TMEM144: variants seen among roughly 807,000 people sequenced by gnomAD.
TMEM144 encodes the protein transmembrane protein 144.
TMEM144 carries 39 observed loss-of-function variants against 43.6 expected under a neutral mutation model. The ratio of observed to expected loss-of-function variants is 0.90; its 90% CI spans 0.69 to 1.17. The LOEUF is 1.17. TMEM144 is among the 50% of genes most tolerant of loss of function. TMEM144 has a pLI of 0.00. For missense variants in TMEM144, 417 were observed against 411.9 expected, an observed-to-expected ratio of 1.01 and a Z score of -0.11; for synonymous variants, 154 against 133.6, an observed-to-expected ratio of 1.15 and a Z score of -1.06.
chr4:158,250,194 AC>A (rs1736126185), intron 12 of TMEM144, among the ~76,000 whole-genome samples: 1 of 88,882 alleles, frequency 1.1e-5, no homozygotes, highest in Non-Finnish European at 2.3e-5. Flanking sequence ...TTAATACATA[AC>A]ATATATATAT....
chr4:158,247,693 G>A (rs1735960197), intron 12 of TMEM144, among the ~76,000 whole-genome samples: 1 of 151,974 alleles, frequency 6.6e-6, no homozygotes, highest in Non-Finnish European at 1.5e-5. Flanking sequence ...AATGTGCCAG[G>A]TTTTTAAAAT....
rs1560839720 is a variant in TMEM144, at chr4:158,244,363, A to G, written c.954+14A>G. 1 of 1,605,454 alleles carries G rather than the reference A, an allele frequency of 6.2e-7. No individual in the cohort carries two copies. The highest frequency in any genetic ancestry group is 2.2e-5 in the East Asian group (1 of 44,448). ...AAGGAAATAAAGGTATGTACAAGAAAGGGCAGACTTAGAAAATGGGAATGG... is the reference window on the plus strand; with the variant it reads ...AAGGAAATAAAGGTATGTACAAGAAGGGGCAGACTTAGAAAATGGGAATGG... On this transcript the variant is annotated intron_variant, in intron 12 of 12. Transcript: ENST00000296529.
intron 6 of TMEM144, among the ~76,000 whole-genome samples, chr4:158,227,125 G>GC (rs1348468752): frequency 9.8e-5 from 13 of 133,050 alleles, no homozygotes; most frequent in African/African-American, 4.1e-4. Flanking sequence ...GGTATAGATG[G>GC]CTTTTTTTTT....
At chr4:158,220,552 T>C (rs1190631689) in intron 6 of TMEM144, among the ~76,000 whole-genome samples, 1 of 152,250 alleles carries the variant, frequency 6.6e-6, no homozygotes, top group African/African-American at 2.4e-5. Context: ...TATGTGGCCA[T>C]GGGCAAATAA....
chr4:158,232,936 C>A lies in TMEM144; in HGVS notation c.449C>A (p.Pro150Gln). Reference sequence around the variant, plus strand: ...TTTTTGTTCATCAAAAGTGAAATACCAAATAACACGTGTTCCATGGATACC... The same window carrying A: ...TTTTTGTTCATCAAAAGTGAAATACAAAATAACACGTGTTCCATGGATACC... ...FIFLFIKSEIPNNTCSMDTTP... is the reference protein window; with the variant it reads ...FIFLFIKSEIQNNTCSMDTTP... Residue 150 changes from proline to glutamine, a missense_variant, in exon 7 of 13, where the codon CCA becomes CAA. By Grantham distance (76) the Pro-to-Gln change is moderately conservative. Transcript: ENST00000296529. 6.2e-7 allele frequency: 1 copy of A among 1,610,928 alleles called. No homozygotes were observed. Among genetic ancestry groups the A allele is most frequent in the South Asian group, 1.1e-5 (1 of 90,470 alleles).
chr4:158,215,357 A>G (rs1348675448), intron 4 of TMEM144, 44 bp downstream of exon 4: 1 of 1,597,002 alleles, frequency 6.3e-7, no homozygotes, highest in South Asian at 1.1e-5. Flanking sequence ...TAACATAATG[A>G]TAAAAATAAT....
intron 6 of TMEM144, among the ~76,000 whole-genome samples, chr4:158,225,257 A>G (rs1484219549): frequency 1.3e-5 from 2 of 152,118 alleles, no homozygotes; most frequent in African/African-American, 4.8e-5. Flanking sequence ...CCAGGGCCCT[A>G]TAGTCTGGGT....
At chr4:158,236,169 T>G (rs1252877345) in intron 8 of TMEM144, among the ~76,000 whole-genome samples, 2 of 152,224 alleles carry the variant, frequency 1.3e-5, no homozygotes, top group African/African-American at 4.8e-5. Context: ...ACCTTTTGAC[T>G]CAAGAATATA....
intron 1 of TMEM144, 46 bp downstream of exon 1, chr4:158,210,632 G>C (rs1221021845): frequency 6.6e-6 from 1 of 152,220 alleles, no homozygotes; most frequent in Non-Finnish European, 1.5e-5. Context: ...TTGCAGGGGA[G>C]CGTCTCATGA....
intron 8 of TMEM144, among the ~76,000 whole-genome samples, chr4:158,236,288 ATAAC>A (rs1385471014): frequency 6.6e-6 from 1 of 152,172 alleles, no homozygotes; most frequent in East Asian, 1.9e-4. Flanking sequence ...GAATGAAAGA[ATAAC>A]AAACAACATT....
intron 4 of TMEM144, among the ~76,000 whole-genome samples, chr4:158,216,097 G>T (rs148131216): frequency 6.2e-4 from 94 of 152,256 alleles, no homozygotes; most frequent in African/African-American, 2.2e-3. Context: ...ATTCCCACCA[G>T]GATTTACATT....
At chr4:158,225,541 G>C (rs1734721990) in intron 6 of TMEM144, among the ~76,000 whole-genome samples, 1 of 152,158 alleles carries the variant, frequency 6.6e-6, no homozygotes, top group Admixed American at 6.5e-5. Flanking sequence ...ATAGATACGA[G>C]AGTTGAAAGA....
chr4:158,229,571 A>T (rs1418516356), intron 6 of TMEM144, among the ~76,000 whole-genome samples: 1 of 152,138 alleles, frequency 6.6e-6, no homozygotes. Context: ...TATCTGGTCT[A>T]TCCAGATTCC....
intron 6 of TMEM144, 54 bp from the exon 7 acceptor site, chr4:158,232,847 C>T (rs2111129543): frequency 8.1e-7 from 1 of 1,231,962 alleles, no homozygotes; most frequent in East Asian, 2.4e-5. Flanking sequence ...AATCAAGCAG[C>T]TTGATATAAA....
In TMEM144 at chr4:158,215,252, G is replaced by C; in HGVS notation, c.171G>C (p.Leu57=). The C allele has an allele frequency of 6.2e-7, 1 of 1,613,830 alleles. No individual in the cohort carries two copies. Among genetic ancestry groups the C allele is most frequent in the Non-Finnish European group, 8.5e-7 (1 of 1,179,806 alleles). ...GGTTGGTTGCCTTGGTTGTCAATCT[G>C]ATATTACATTGTCCAAAGTTTTGGC... ...AIWLVALVVN[L]ILHCPKFWPF... The change falls in exon 4 of 13, where the codon CTG becomes CTC. Residue 57 remains leucine (L), a synonymous_variant. Coordinates refer to ENST00000296529, the MANE Select transcript of TMEM144 (RefSeq NM_018342.5).
At position 158,253,589 on chromosome 4, in the gene TMEM144, A is replaced by C; in HGVS notation, c.*62A>C. On this transcript the variant is annotated 3_prime_UTR_variant, in exon 13 of 13. Coordinates refer to ENST00000296529, the MANE Select transcript of TMEM144 (RefSeq NM_018342.5). The stretch of plus-strand genomic sequence containing the variant: ...AGAACGCGTCTATCGGACAGCGGAG[A>C]GATCATGCTGAGAAAAGAGTGCATT... The C allele has an allele frequency of 7.3e-7, 1 of 1,369,422 alleles. No homozygotes were observed. Among genetic ancestry groups the C allele is most frequent in the African/African-American group, 1.4e-5 (1 of 69,598 alleles). 84.8% of individuals were successfully genotyped at this position (1,369,422 alleles called of 1,614,324 possible). A position where few individuals can be genotyped will look rare whatever the true frequency, so the allele number is the denominator to read the frequency against.
At chr4:158,219,888 A>G (rs1734425827) in intron 6 of TMEM144, among the ~76,000 whole-genome samples, 1 of 152,120 alleles carries the variant, frequency 6.6e-6, no homozygotes, top group South Asian at 2.1e-4. Flanking sequence ...GTGAGAACAC[A>G]TACTCTTTTG....
chr4:158,210,618 C>T (rs990513545), intron 1 of TMEM144, 32 bp downstream of exon 1: 11 of 152,228 alleles, frequency 7.2e-5, no homozygotes, highest in African/African-American at 2.7e-4. Flanking sequence ...AAAGCCAAGT[C>T]GCTTTGCAGG....
rs1312288371 is a variant in TMEM144, at chr4:158,254,437, T to G, written c.*910T>G. 1 of 13,446 alleles carries G rather than the reference T, an allele frequency of 7.4e-5. No individual in the cohort carries two copies. The highest frequency in any genetic ancestry group is 1.1e-3 in the Non-Finnish European group (1 of 916). The allele number at this position is 13,446 out of a possible 1,614,324, so 0.8% of individuals were successfully genotyped here. A position where few individuals can be genotyped will look rare whatever the true frequency, so the allele number is the denominator to read the frequency against. On this transcript the variant is annotated 3_prime_UTR_variant, in exon 13 of 13. Coordinates refer to ENST00000296529, the MANE Select transcript of TMEM144 (RefSeq NM_018342.5). ...AAAATAAAATGACAGGCATGCTAGT[T>G]TTTTTTTTTTTTTTTTTTTTTTAAG...
Sources: allele counts gnomAD v4.1 joint callset (sites outside exome capture counted in the v4.1 genomes callset), GRCh38; gene constraint gnomAD v4.1.1; transcripts MANE v1.5; gene names NCBI Gene and HGNC (gene_info 2026-07-23, HGNC 2026-07-21).